The following HUWE1 variants were observed in gnomAD, a reference collection of about 807,000 sequenced individuals.
The protein encoded by HUWE1 is E3 ubiquitin-protein ligase HUWE1.
In HUWE1, 18 loss-of-function variants were observed where a neutral mutation model predicts 299.4. The observed-to-expected ratio is 0.06, with a 90% CI of 0.04 to 0.09. The LOEUF is 0.09. Among genes scored for constraint, HUWE1 ranks in the 10% least tolerant of loss-of-function variants. The probability of loss-of-function intolerance (pLI) is 1.00; values close to 1 mark genes in which losing one functional copy is unlikely to be tolerated. For synonymous variants in HUWE1, 1,317 were observed against 1,286.1 expected (o/e 1.02, Z -0.51); for missense variants, 1,832 against 3,462.3 (o/e 0.53, Z 11.82).
At chrX:53,544,481 C>T (rs185098025) in intron 72 of HUWE1, 79 bp downstream of exon 72, 4 of 779,828 alleles carry the variant, frequency 5.1e-6, no homozygotes, top group Middle Eastern at 4.2e-4. Flanking sequence ...GGAGACAGGC[C>T]GTTAAGTCCT....
chrX:53,684,369 G>A (rs1472174569), intron 2 of HUWE1, among the ~76,000 whole-genome samples: 3 of 111,932 alleles, frequency 2.7e-5, no homozygotes, highest in Non-Finnish European at 3.8e-5. Flanking sequence ...GAGTTTTTCG[G>A]GGGAAGGGAG....
chrX:53,664,735 C>G (rs1443861884), intron 3 of HUWE1, among the ~76,000 whole-genome samples: 2 of 111,610 alleles, frequency 1.8e-5, no homozygotes, highest in Non-Finnish European at 3.8e-5. Flanking sequence ...AAAGTAAATT[C>G]AGGTGAGAGC....
At chrX:53,534,276 C>A (rs1367696552) in intron 82 of HUWE1, 79 bp from the exon 83 acceptor site, 2 of 896,435 alleles carry the variant, frequency 2.2e-6, no homozygotes, top group Non-Finnish European at 3.2e-6. Flanking sequence ...ATCTAGGAAA[C>A]AGGACTGGAC....
chrX:53,681,389 G>A (rs1464070614), intron 2 of HUWE1, among the ~76,000 whole-genome samples: 1 of 104,634 alleles, frequency 9.6e-6, no homozygotes, highest in Admixed American at 1.0e-4. Flanking sequence ...AGCCGAGATC[G>A]CGCCACTGCA....
chrX:53,543,798 G>C, intron 73 of HUWE1, 43 bp downstream of exon 73: 2 of 1,210,395 alleles, frequency 1.7e-6, no homozygotes, highest in Non-Finnish European at 2.2e-6. Flanking sequence ...GGGGGGATGA[G>C]TGGAGAGACA....
intron 40 of HUWE1, 85 bp from the exon 41 acceptor site, chrX:53,584,430 A>G: frequency 2.5e-6 from 2 of 806,312 alleles, no homozygotes; most frequent in Non-Finnish European, 3.6e-6. Flanking sequence ...TCCCAGGTAA[A>G]ATGCTACAAC....
intron 7 of HUWE1, among the ~76,000 whole-genome samples, chrX:53,634,660 T>C (rs2067089368): frequency 8.9e-6 from 1 of 112,878 alleles, no homozygotes; most frequent in Non-Finnish European, 1.9e-5. Flanking sequence ...TCACGTGTGC[T>C]GACAGGTCCC....
chrX:53,574,095 T>C (rs1487813565), intron 46 of HUWE1, 131 bp from the exon 47 acceptor site: 48 of 540,026 alleles, frequency 8.9e-5, no homozygotes, highest in Non-Finnish European at 1.4e-4. Context: ...CTCGTGACAC[T>C]GCAGTGCAAG....
rs782662378 is a variant in HUWE1 at position 53,658,049 on chromosome X, C to CAAA, written c.-24-3921_-24-3919dup. On this transcript the variant is annotated intron_variant, in intron 3 of 83. Coordinates refer to ENST00000262854, the MANE Select transcript of HUWE1 (RefSeq NM_031407.7). ...GGGGCGACAAAGCAAGACTCCGTCT[C>CAAA]AAAAAAAAAAAAAGTCAATTGCTTT... 3.2e-4 allele frequency among the ~76,000 whole-genome samples: 12 copies of CAAA among 38,026 alleles called. 1 individual carries two copies. Among genetic ancestry groups the CAAA allele is most frequent in the African/African-American group, 6.0e-4 (6 of 9,929 alleles). 33.0% of individuals were successfully genotyped at this position (38,026 alleles called of 115,157 possible).
intron 80 of HUWE1, 172 bp downstream of exon 80, chrX:53,535,975 A>G (rs1322067778): frequency 2.5e-6 from 1 of 393,796 alleles, no homozygotes; most frequent in Non-Finnish European, 4.4e-6. Context: ...TGGCCTGCAA[A>G]TTCTGGTTTT....
At chrX:53,650,182 T>G (rs1216469213) in intron 4 of HUWE1, among the ~76,000 whole-genome samples, 1 of 112,348 alleles carries the variant, frequency 8.9e-6, no homozygotes, top group African/African-American at 3.2e-5. Flanking sequence ...TTAGAGGTTA[T>G]CCAGTAAATA....
intron 22 of HUWE1, among the ~76,000 whole-genome samples, 159 bp from the exon 23 acceptor site, chrX:53,614,904 A>G (rs2065706514): frequency 9.0e-6 from 1 of 111,581 alleles, no homozygotes. Flanking sequence ...CATTAATTAC[A>G]TTTTATAAAC....
At chrX:53,555,664 CAG>C (rs1556933886) in intron 60 of HUWE1, among the ~76,000 whole-genome samples, 1 of 79,862 alleles carries the variant, frequency 1.3e-5, no homozygotes, top group African/African-American at 5.0e-5. Flanking sequence ...TTTCCTGAGA[CAG>C]AGTCTTGCTC....
At position 53,594,559 on chromosome X, in the gene HUWE1, T is replaced by C. The variant is rs2148491836; in HGVS notation, c.3443A>G (p.Tyr1148Cys). 1 of 1,207,702 alleles carries C rather than the reference T, an allele frequency of 8.3e-7. No homozygotes were observed. Among genetic ancestry groups the C allele is most frequent in the Non-Finnish European group, 1.1e-6 (1 of 891,868 alleles). ...TTTTTGCAGCATGAGGTGGTAGGGA[T>C]ACTTCCTCTCATCAAACAGCATTGG... ...TSPMLFDERK[Y>C]PYHLMLQKFL... Residue 1148 changes from tyrosine (Y) to cysteine (C), a missense_variant, in exon 31 of 84, where the codon TAT (tyrosine) becomes TGT (cysteine). This residue lies in a region of HUWE1 where 658 missense variants were observed against 1,282.6 expected (regional missense o/e 0.51). Transcript: ENST00000262854.
At chrX:53,538,533 C>A in intron 76 of HUWE1, 79 bp from the exon 77 acceptor site, 1 of 699,774 alleles carries the variant, frequency 1.4e-6, no homozygotes, top group Non-Finnish European at 2.3e-6. Flanking sequence ...GCTAGCAACT[C>A]TCTCTTCCTT....
At position 53,546,285 on chromosome X, in the gene HUWE1, A is replaced by G. The variant is rs1013446911; in HGVS notation, c.10915+151T>C. On this transcript the variant is annotated intron_variant, in intron 70 of 83. Transcript: ENST00000262854. ...GGAAAACAGATGATAACCCAGGGTA[A>G]TCTGTGTTACGACAGAGGGAGCATG... 15 of 553,703 alleles carry G rather than the reference A, an allele frequency of 2.7e-5. No individual in the cohort carries two copies. The African/African-American group carries it at 3.2e-4, about 12-fold the overall frequency. The allele number at this position is 553,703 out of a possible 1,213,427, so 45.6% of individuals were successfully genotyped here.
chrX:53,631,388 G>A (rs782085920), intron 11 of HUWE1, 26 bp downstream of exon 11: 16 of 1,082,893 alleles, frequency 1.5e-5, no homozygotes, highest in East Asian at 3.0e-5. Context: ...ACCACATCCT[G>A]TGGATGTTTT....
At chrX:53,642,432 T>C (rs781955501) in intron 7 of HUWE1, among the ~76,000 whole-genome samples, 5 of 112,285 alleles carry the variant, frequency 4.5e-5, no homozygotes, top group Non-Finnish European at 9.4e-5. Flanking sequence ...ACATACTCCA[T>C]AGTGTGCATG....
intron 4 of HUWE1, among the ~76,000 whole-genome samples, chrX:53,651,048 T>C (rs923528673): frequency 9.0e-6 from 1 of 111,231 alleles, no homozygotes; most frequent in African/African-American, 3.3e-5. Context: ...CATTTTGTCA[T>C]TGGGATATTA....
Sources: gnomAD v4.1 joint callset for allele counts (sites outside exome capture counted in the v4.1 genomes callset) on GRCh38, gnomAD v4.1.1 for gene constraint, gnomAD v4.1.1 regional missense constraint, MANE v1.5 for transcripts, NCBI Gene and HGNC (gene_info 2026-07-23, HGNC 2026-07-21) for gene names.